APBB2: variants seen among roughly 807,000 people sequenced by gnomAD.
The protein encoded by APBB2 is Fe65-like 1.
Under a neutral mutation model 82.5 loss-of-function variants are expected in APBB2, and 38 were observed. That is an observed-to-expected ratio of 0.46 (90% confidence interval 0.36 to 0.60). APBB2 has a LOEUF of 0.60. APBB2 is among the 20% of genes least tolerant of loss of function. The pLI, the probability that APBB2 is intolerant of heterozygous loss-of-function variation, is 0.00. For synonymous variants in APBB2, 341 were observed against 368.2 expected, an observed-to-expected ratio of 0.93 and a Z score of 0.85; for missense variants, 772 against 972.3, an observed-to-expected ratio of 0.79 and a Z score of 2.74.
intron 1 of APBB2, among the ~76,000 whole-genome samples, chr4:41,214,036 T>C (rs1407114548): frequency 6.6e-6 from 1 of 151,982 alleles, no homozygotes. Flanking sequence ...TCCAACCCGG[T>C]CTCCCCCGCC....
At chr4:40,934,735 G>T in intron 8 of APBB2, 36 bp from the exon 9 acceptor site, 1 of 1,439,108 alleles carries the variant, frequency 6.9e-7, no homozygotes, top group Admixed American at 1.7e-5. Flanking sequence ...TGTACAATGG[G>T]GGAGAAGACC....
intron 12 of APBB2, among the ~76,000 whole-genome samples, chr4:40,850,160 A>C (rs887268883): frequency 6.6e-6 from 1 of 152,206 alleles, no homozygotes. Context: ...GTTTTTGTTA[A>C]GACACGGAGT....
intron 4 of APBB2, among the ~76,000 whole-genome samples, chr4:41,044,311 A>G (rs1049241877): frequency 1.3e-5 from 2 of 152,166 alleles, no homozygotes; most frequent in African/African-American, 4.8e-5. Flanking sequence ...TTTTTTTAAT[A>G]TCATAATCTC....
rs183631099 is a variant in APBB2, at chr4:41,150,928, G to A, written c.-416-7786C>T. Among the ~76,000 whole-genome samples, 8 of 152,178 alleles carry A rather than the reference G, an allele frequency of 5.3e-5. No homozygotes were observed. The South Asian group carries it at 6.2e-4, about 12-fold the overall frequency. ...CCAATTTTTGTATTTTTGGAGGGAC[G>A]CAGTTTCACTATTTGGCCAGGTTGG... On this transcript the variant is annotated intron_variant, in intron 1 of 17. Coordinates refer to ENST00000508593, the MANE Select transcript of APBB2 (RefSeq NM_004307.2).
intron 4 of APBB2, among the ~76,000 whole-genome samples, chr4:41,044,876 T>C (rs1296159280): frequency 6.6e-6 from 1 of 152,124 alleles, no homozygotes; most frequent in Non-Finnish European, 1.5e-5. Flanking sequence ...GTAGTTTCAA[T>C]TTTTTTCCAG....
At chr4:40,965,738 A>C (rs565722962) in intron 6 of APBB2, among the ~76,000 whole-genome samples, 2 of 152,336 alleles carry the variant, frequency 1.3e-5, no homozygotes, top group South Asian at 4.1e-4. Flanking sequence ...AATGAATGGC[A>C]GTATTTTAGA....
intron 2 of APBB2, among the ~76,000 whole-genome samples, chr4:41,136,911 ATTTCCTT>A (rs1757729528): frequency 6.6e-6 from 1 of 152,308 alleles, no homozygotes; most frequent in South Asian, 2.1e-4. Context: ...CTTTTAAACA[ATTTCCTT>A]TTCAATGTTT....
chr4:40,868,924 C>T (rs1210025419), intron 12 of APBB2, among the ~76,000 whole-genome samples: 2 of 152,168 alleles, frequency 1.3e-5, no homozygotes, highest in Non-Finnish European at 2.9e-5. Flanking sequence ...ACATTTCACA[C>T]ATGCACATGA....
In APBB2 at chr4:41,014,121, C is replaced by T. The variant is rs533976044; in HGVS notation, c.297G>A (p.Leu99=). 44 of 1,614,184 alleles carry T rather than the reference C, an allele frequency of 2.7e-5. No homozygotes were observed. In the South Asian group the frequency reaches 4.4e-4, roughly 16 times the overall value. Residue 99 remains leucine, a synonymous_variant, in exon 6 of 18, where the codon CTG becomes CTA. Coordinates refer to ENST00000508593, the MANE Select transcript of APBB2 (RefSeq NM_004307.2). Reference sequence around the variant, plus strand: ...GGAGCTGGTTCTCCCCATTTTTCACCAGCTTGATGTTGGCAGAGCCATTTC... The same window carrying T: ...GGAGCTGGTTCTCCCCATTTTTCACTAGCTTGATGTTGGCAGAGCCATTTC... The part of the protein sequence containing the change: ...LLGNGSANIK[L]VKNGENQLRK...
chr4:40,914,507 G>GC (rs1405548274), intron 10 of APBB2, among the ~76,000 whole-genome samples: 10 of 152,158 alleles, frequency 6.6e-5, no homozygotes, highest in Non-Finnish European at 1.3e-4. Flanking sequence ...AGCCGACATC[G>GC]CGCCATTGCA....
chr4:40,869,324 G>A (rs1472737550), intron 12 of APBB2, among the ~76,000 whole-genome samples: 3 of 152,200 alleles, frequency 2.0e-5, no homozygotes, highest in South Asian at 2.1e-4. Flanking sequence ...GCCCACAACT[G>A]TAATCCCAGC....
chr4:40,830,966 G>A (rs1013598038), intron 12 of APBB2, among the ~76,000 whole-genome samples: 19 of 152,326 alleles, frequency 1.2e-4, no homozygotes, highest in Middle Eastern at 3.4e-3. Flanking sequence ...AGGTGCAGTG[G>A]CATGTATCTG....
At chr4:41,107,770 C>T (rs184529413) in intron 2 of APBB2, among the ~76,000 whole-genome samples, 175 of 152,234 alleles carry the variant, frequency 1.1e-3, no homozygotes, top group Non-Finnish European at 1.9e-3. Flanking sequence ...CACACAAAAC[C>T]AGATTGTGAT....
intron 6 of APBB2, among the ~76,000 whole-genome samples, chr4:40,991,293 A>G (rs1265853656): frequency 1.3e-5 from 2 of 149,842 alleles, no homozygotes; most frequent in Admixed American, 1.3e-4. Flanking sequence ...CTAGGATTAC[A>G]GGTGTGAGCC....
intron 2 of APBB2, among the ~76,000 whole-genome samples, chr4:41,134,810 C>T (rs1473738990): frequency 6.6e-6 from 1 of 152,170 alleles, no homozygotes; most frequent in Non-Finnish European, 1.5e-5. Flanking sequence ...TGCATTTTGG[C>T]TGTTTCCCTC....
rs763515380 is a variant in APBB2 at position 40,823,725 on chromosome 4, A to G, written c.1851T>C (p.Leu617=). The G allele has an allele frequency of 5.0e-6, 8 of 1,613,822 alleles. No individual in the cohort carries two copies. Among genetic ancestry groups the G allele is most frequent in the South Asian group, 2.2e-5 (2 of 91,084 alleles). ...AGTCCTCCTTGTTGGATGAGGTCATAAGATTTTCTATGGCACTGTTCAAAA... is the reference window on the plus strand; with the variant it reads ...AGTCCTCCTTGTTGGATGAGGTCATGAGATTTTCTATGGCACTGTTCAAAA... The part of the protein sequence containing the change: ...MDILNSAIEN[L]MTSSNKEDWL... The change falls in exon 16 of 18, where the codon CTT becomes CTC. Residue 617 remains leucine, a synonymous_variant. Coordinates refer to ENST00000508593, the MANE Select transcript of APBB2 (RefSeq NM_004307.2).
rs549471784 is a variant in APBB2 at position 41,070,670 on chromosome 4, T to G, written c.-148-4997A>C. On this transcript the variant is annotated intron_variant, in intron 3 of 17. Transcript: ENST00000508593. ...CTAAAAATAACTTTAATAATAAAGC[T>G]TCCAAAGGTGAGGAATAGTTTTTTT... Among the ~76,000 whole-genome samples, 16 of 152,310 alleles carry G rather than the reference T, an allele frequency of 1.1e-4. No homozygotes were observed. The South Asian group carries it at 3.1e-3, about 30-fold the overall frequency.
intron 7 of APBB2, among the ~76,000 whole-genome samples, chr4:40,943,325 T>G (rs1175268365): frequency 1.3e-5 from 2 of 152,158 alleles, no homozygotes; most frequent in Non-Finnish European, 2.9e-5. Flanking sequence ...GGAAGATGGC[T>G]AAAGGTTTGG....
At chr4:40,888,776 T>G (rs1331298148) in intron 12 of APBB2, among the ~76,000 whole-genome samples, 1 of 152,038 alleles carries the variant, frequency 6.6e-6, no homozygotes, top group African/African-American at 2.4e-5. Context: ...GCTCCACACT[T>G]TGGCCCCTGC....
Sources: gnomAD v4.1 joint callset for allele counts (sites outside exome capture counted in the v4.1 genomes callset) on GRCh38, gnomAD v4.1.1 for gene constraint, MANE v1.5 for transcripts, NCBI Gene and HGNC (gene_info 2026-07-23, HGNC 2026-07-21) for gene names.